Variants in NGF observed in about 807,000 individuals in gnomAD.
NGF encodes the protein nerve growth factor, also known as beta-nerve growth factor.
In NGF, 4 loss-of-function variants were observed where a neutral mutation model predicts 12.8. The observed-to-expected ratio is 0.31, with a 90% CI of 0.15 to 0.72. The LOEUF is 0.72. Ranked by LOEUF, NGF falls within the 30% of genes least tolerant of loss-of-function variation. The pLI is 0.69. For synonymous variants in NGF, 140 were observed against 130.0 expected, an observed-to-expected ratio of 1.08 and a Z score of -0.52; for missense variants, 283 against 330.8, an observed-to-expected ratio of 0.86 and a Z score of 1.12.
intron 1 of NGF, among the ~76,000 whole-genome samples, chr1:115,294,958 T>C (rs1273994687): frequency 1.3e-5 from 2 of 152,206 alleles, no homozygotes; most frequent in Non-Finnish European, 2.9e-5. Context: ...AATGATTATG[T>C]CCATCACAGA....
intron 1 of NGF, among the ~76,000 whole-genome samples, chr1:115,322,119 A>G (rs969356544): frequency 1.3e-5 from 2 of 152,154 alleles, no homozygotes; most frequent in African/African-American, 2.4e-5. Context: ...ACAACCCTAC[A>G]ATTTGCTTCT....
intron 1 of NGF, among the ~76,000 whole-genome samples, chr1:115,322,994 A>G (rs1467628196): frequency 1.3e-5 from 2 of 152,204 alleles, no homozygotes; most frequent in African/African-American, 2.4e-5. Context: ...CACAGTGCTA[A>G]GTGTTACATA....
chr1:115,328,928 C>T (rs186641826), intron 1 of NGF, among the ~76,000 whole-genome samples: 47 of 152,236 alleles, frequency 3.1e-4, no homozygotes, highest in Admixed American at 2.8e-3. Flanking sequence ...AGACAGGATA[C>T]GATTATTGTT....
chr1:115,320,579 C>T (rs1378520448), intron 1 of NGF, among the ~76,000 whole-genome samples: 5 of 152,310 alleles, frequency 3.3e-5, no homozygotes, highest in East Asian at 3.9e-4. Context: ...GGATGATTCA[C>T]GTTCCGGGCA....
chr1:115,336,577 T>C (rs1176669488), intron 1 of NGF, among the ~76,000 whole-genome samples: 2 of 152,210 alleles, frequency 1.3e-5, no homozygotes, highest in East Asian at 1.9e-4. Context: ...GGTTGACGTA[T>C]GACTTATTCA....
intron 1 of NGF, among the ~76,000 whole-genome samples, chr1:115,310,169 A>G (rs1654301954): frequency 6.6e-6 from 1 of 152,260 alleles, no homozygotes; most frequent in Admixed American, 6.5e-5. Context: ...GAGAATACGC[A>G]TGAAATTGTT....
intron 1 of NGF, among the ~76,000 whole-genome samples, chr1:115,331,526 G>A (rs1654923424): frequency 6.6e-6 from 1 of 152,206 alleles, no homozygotes; most frequent in Non-Finnish European, 1.5e-5. Context: ...AGATTAAAAA[G>A]CCTGCAGACA....
At chr1:115,337,271 T>TG (rs1557950810) in intron 1 of NGF, among the ~76,000 whole-genome samples, 8 of 39,772 alleles carry the variant, frequency 2.0e-4, no homozygotes, top group East Asian at 1.8e-3. Flanking sequence ...GTTTTTGTTT[T>TG]TTTTTTTTTT....
intron 1 of NGF, among the ~76,000 whole-genome samples, chr1:115,301,409 C>A (rs1654031041): frequency 1.3e-5 from 2 of 152,204 alleles, no homozygotes. Context: ...ATTGAATGAG[C>A]ATTTAGCACA....
intron 1 of NGF, among the ~76,000 whole-genome samples, chr1:115,298,114 G>C (rs1653925136): frequency 6.6e-6 from 1 of 152,208 alleles, no homozygotes; most frequent in Non-Finnish European, 1.5e-5. Context: ...ACCCTCTGGG[G>C]AATGTTGTCC....
At chr1:115,316,533 T>A (rs1230163863) in intron 1 of NGF, among the ~76,000 whole-genome samples, 1 of 152,196 alleles carries the variant, frequency 6.6e-6, no homozygotes, top group Admixed American at 6.5e-5. Flanking sequence ...ATACTTTAAA[T>A]GGATGATCTC....
intron 1 of NGF, among the ~76,000 whole-genome samples, chr1:115,305,513 A>G (rs903694498): frequency 6.6e-6 from 1 of 152,244 alleles, no homozygotes; most frequent in African/African-American, 2.4e-5. Flanking sequence ...TGGATAATGT[A>G]TAGGTGGGAT....
At chr1:115,326,334 G>A (rs1162929946) in intron 1 of NGF, among the ~76,000 whole-genome samples, 1 of 152,120 alleles carries the variant, frequency 6.6e-6, no homozygotes, top group Admixed American at 6.5e-5. Context: ...AATGGTGGTG[G>A]CAATGGTACT....
At chr1:115,308,916 G>A (rs1355060426) in intron 1 of NGF, among the ~76,000 whole-genome samples, 1 of 149,706 alleles carries the variant, frequency 6.7e-6, no homozygotes, top group East Asian at 1.9e-4. Flanking sequence ...GCATGATATT[G>A]GTGTTAAAGA....
At chr1:115,290,523 G>A (rs1262096704) in intron 2 of NGF, among the ~76,000 whole-genome samples, 1 of 149,346 alleles carries the variant, frequency 6.7e-6, no homozygotes, top group Non-Finnish European at 1.5e-5. Flanking sequence ...AGCCTCCTGA[G>A]TAGCTGGGAC....
intron 1 of NGF, among the ~76,000 whole-genome samples, chr1:115,304,311 C>T (rs557814055): frequency 1.6e-5 from 2 of 127,296 alleles, no homozygotes; most frequent in South Asian, 2.6e-4. Flanking sequence ...TACAGGAGCG[C>T]ACCACCATGC....
chr1:115,302,094 G>A (rs1654054218), intron 1 of NGF, among the ~76,000 whole-genome samples: 1 of 152,208 alleles, frequency 6.6e-6, no homozygotes, highest in Admixed American at 6.5e-5. Context: ...GAAAGGAATT[G>A]AAGACTCTTC....
At chr1:115,328,354 G>A (rs979621247) in intron 1 of NGF, among the ~76,000 whole-genome samples, 1 of 152,128 alleles carries the variant, frequency 6.6e-6, no homozygotes, top group Non-Finnish European at 1.5e-5. Context: ...TCTTGGTGTG[G>A]GTCACTCTTT....
intron 1 of NGF, among the ~76,000 whole-genome samples, chr1:115,330,451 A>C (rs1654887006): frequency 1.3e-5 from 2 of 152,238 alleles, no homozygotes; most frequent in South Asian, 4.1e-4. Flanking sequence ...ATGGTAAAAG[A>C]AAAGAAACAT....
Sources: allele counts gnomAD v4.1 joint callset (sites outside exome capture counted in the v4.1 genomes callset), GRCh38; gene constraint gnomAD v4.1.1; transcripts MANE v1.5; gene names NCBI Gene and HGNC (gene_info 2026-07-23, HGNC 2026-07-21).